LMX1A: variants seen among roughly 807,000 people sequenced by gnomAD.
The protein encoded by LMX1A is LIM homeobox transcription factor 1 alpha, also known as LIM homeobox transcription factor 1-alpha.
A neutral mutation model predicts 49.1 loss-of-function variants in LMX1A; 15 were observed. That is an observed-to-expected ratio of 0.31 (90% CI 0.20 to 0.47). The LOEUF (loss-of-function observed/expected upper bound fraction) is 0.47. Ranked by LOEUF, LMX1A falls within the 20% of genes least tolerant of loss-of-function variation. The pLI, the probability that LMX1A is intolerant of heterozygous loss-of-function variation, is 1.00. For synonymous variants in LMX1A, 167 were observed against 185.7 expected (o/e 0.90, Z 0.82); for missense variants, 372 against 475.8 (o/e 0.78, Z 2.03).
At position 165,249,315 on chromosome 1, in the gene LMX1A, G is replaced by A. The variant is rs1020871262; in HGVS notation, c.496+93C>T. On this transcript the variant is annotated intron_variant, in intron 4 of 8. Transcript: ENST00000342310. The stretch of plus-strand genomic sequence containing the variant: ...CTTGCCATGGAGCTAGGCTGCCCTG[G>A]AGGCTGGCCATCTAGGGAAGAAACA... 14 of 838,696 alleles carry A rather than the reference G, an allele frequency of 1.7e-5. 1 individual carries two copies. In the South Asian group the frequency reaches 2.1e-4, roughly 13 times the overall value. The allele number at this position is 838,696 out of a possible 1,614,324, so 52.0% of individuals were successfully genotyped here. A position where few individuals can be genotyped will look rare whatever the true frequency, so the allele number is the denominator to read the frequency against.
chr1:165,354,496 G>A (rs1656534052), intron 2 of LMX1A, among the ~76,000 whole-genome samples: 1 of 152,148 alleles, frequency 6.6e-6, no homozygotes, highest in Admixed American at 6.5e-5. Context: ...TCTGGCTTCC[G>A]CTCTCTTCCG....
At chr1:165,250,892 T>A (rs1653036117) in intron 3 of LMX1A, among the ~76,000 whole-genome samples, 1 of 151,796 alleles carries the variant, frequency 6.6e-6, no homozygotes, top group African/African-American at 2.4e-5. Flanking sequence ...GGAGGGACAG[T>A]CCCAGGGGAG....
chr1:165,335,907 G>T (rs931780539), intron 3 of LMX1A, among the ~76,000 whole-genome samples: 4 of 151,046 alleles, frequency 2.6e-5, no homozygotes, highest in Non-Finnish European at 5.9e-5. Flanking sequence ...CTTAGAAAAA[G>T]TAATGCTGAG....
At chr1:165,218,814 G>C (rs1651731493) in intron 4 of LMX1A, 1 of 152,078 alleles carries the variant, frequency 6.6e-6, no homozygotes. Flanking sequence ...CTTTGCCAGA[G>C]ACTCCCACTC....
intron 4 of LMX1A, among the ~76,000 whole-genome samples, chr1:165,240,436 T>C (rs1652608664): frequency 6.6e-6 from 1 of 152,192 alleles, no homozygotes; most frequent in Non-Finnish European, 1.5e-5. Flanking sequence ...ATCACAAAGC[T>C]GGCCCCTGTT....
intron 3 of LMX1A, among the ~76,000 whole-genome samples, chr1:165,281,730 TTGTGTGTGTGTGTGTA>T (rs1171146541): frequency 2.0e-4 from 30 of 149,526 alleles, no homozygotes; most frequent in Admixed American, 1.7e-3. Context: ...AGGCAATATT[TTGTGTGTGTGTGTGTA>T]TGTGTGTGTG....
rs1652876638 is a variant in LMX1A at position 165,247,054 on chromosome 1, C to CTTTTTTTTTCTTTTTTTTTTTTTTTTT, written c.496+2353_496+2354insAAAAAAAAAAAAAAAAAGAAAAAAAAA. ...GTTACTTAGATCAGATCAGCTTTTT[C>CTTTTTTTTTCTTTTTTTTTTTTTTTTT]TTTTTTTTTTTTTTTTTTTTTTTTT... is the stretch of plus-strand genomic sequence containing the variant. On this transcript the variant is annotated intron_variant, in intron 4 of 8. Coordinates refer to ENST00000342310, the MANE Select transcript of LMX1A (RefSeq NM_177398.4). Among the ~76,000 whole-genome samples the CTTTTTTTTTCTTTTTTTTTTTTTTTTT allele has an allele frequency of 2.6e-4, 14 of 53,228 alleles. 1 individual carries two copies. Among genetic ancestry groups the CTTTTTTTTTCTTTTTTTTTTTTTTTTT allele is most frequent in the African/African-American group, 9.3e-4 (13 of 13,916 alleles). The allele number at this position is 53,228 out of a possible 152,430, so 34.9% of individuals were successfully genotyped here.
chr1:165,334,642 G>A (rs1203092652), intron 3 of LMX1A, among the ~76,000 whole-genome samples: 5 of 102,374 alleles, frequency 4.9e-5, no homozygotes, highest in African/African-American at 8.4e-5. Context: ...ATACTGTGCC[G>A]TTTTGCTTAA....
chr1:165,292,061 C>CAA (rs771664986), intron 3 of LMX1A, among the ~76,000 whole-genome samples: 1,754 of 82,148 alleles, frequency 0.021, 88 homozygotes, highest in Non-Finnish European at 0.033. Flanking sequence ...AACTCCGTCT[C>CAA]AAAAAAAAAA....
chr1:165,321,565 A>G (rs528691584), intron 3 of LMX1A, among the ~76,000 whole-genome samples: 2 of 152,312 alleles, frequency 1.3e-5, no homozygotes, highest in Non-Finnish European at 2.9e-5. Context: ...AATAATTTCT[A>G]CGGTCAAGAA....
chr1:165,268,947 C>G (rs1410261030), intron 3 of LMX1A, among the ~76,000 whole-genome samples: 1 of 152,200 alleles, frequency 6.6e-6, no homozygotes, highest in East Asian at 1.9e-4. Context: ...ACACTGGAAC[C>G]AAAGCCAAGG....
chr1:165,249,608 T>C lies in LMX1A; in HGVS notation c.296A>G (p.Glu99Gly). 6.2e-7 allele frequency: 1 copy of C among 1,614,166 alleles called. No homozygotes were observed. The highest frequency in any genetic ancestry group is 8.5e-7 in the Non-Finnish European group (1 of 1,180,034). ...LFAVKCGGCF[E>G]AIAPNEFVMR... The stretch of plus-strand genomic sequence containing the variant: ...AACAAACTCATTGGGAGCGATGGCC[T>C]CGAAGCAGCCCCCACATTTAACAGC... The change falls in exon 4 of 9, where the codon GAG becomes GGG. Residue 99 changes from glutamate (E) to glycine (G), a missense_variant. Coordinates refer to ENST00000342310, the MANE Select transcript of LMX1A (RefSeq NM_177398.4).
chr1:165,236,636 G>T (rs1279808665), intron 4 of LMX1A, among the ~76,000 whole-genome samples: 1 of 151,850 alleles, frequency 6.6e-6, no homozygotes, highest in Non-Finnish European at 1.5e-5. Context: ...CTTCTAACTC[G>T]AGTCTCTGTG....
At chr1:165,336,667 C>T (rs1265003505) in intron 3 of LMX1A, among the ~76,000 whole-genome samples, 1 of 152,194 alleles carries the variant, frequency 6.6e-6, no homozygotes, top group Non-Finnish European at 1.5e-5. Flanking sequence ...CAGTACAGGG[C>T]ATCACCACAC....
At chr1:165,310,889 G>C (rs111637990) in intron 3 of LMX1A, among the ~76,000 whole-genome samples, 2,174 of 152,260 alleles carry the variant, frequency 0.014, 64 homozygotes, top group African/African-American at 0.05. Flanking sequence ...ATGATTCCCG[G>C]AATAATCTTG....
At chr1:165,227,453 A>G (rs987631503) in intron 4 of LMX1A, among the ~76,000 whole-genome samples, 13 of 152,304 alleles carry the variant, frequency 8.5e-5, no homozygotes, top group Admixed American at 1.3e-4. Flanking sequence ...AGGCAAGAGA[A>G]TCACCTGAAC....
At chr1:165,311,936 C>T (rs1655089151) in intron 3 of LMX1A, among the ~76,000 whole-genome samples, 1 of 152,232 alleles carries the variant, frequency 6.6e-6, no homozygotes, top group Admixed American at 6.5e-5. Context: ...CAAAACAGAA[C>T]TCCTAGTGCC....
intron 3 of LMX1A, among the ~76,000 whole-genome samples, chr1:165,294,677 A>T (rs1280671142): frequency 6.6e-6 from 1 of 152,242 alleles, no homozygotes; most frequent in African/African-American, 2.4e-5. Flanking sequence ...TAAAAATTAC[A>T]TGCGGGCTGG....
chr1:165,329,287 G>T lies in LMX1A; in HGVS notation c.263+23789C>A, dbSNP rs200950604. Among the ~76,000 whole-genome samples, 59 of 152,278 alleles carry T rather than the reference G, an allele frequency of 3.9e-4. No individual in the cohort carries two copies. In the East Asian group the frequency reaches 9.7e-3, roughly 25 times the overall value. Reference sequence around the variant, plus strand: ...CCATGATCCGGTCACCTCCCACCAGGTCTCGCCCTCGACATGTGGGGATTA... The same window carrying T: ...CCATGATCCGGTCACCTCCCACCAGTTCTCGCCCTCGACATGTGGGGATTA... On this transcript the variant is annotated intron_variant, in intron 3 of 8. Transcript: ENST00000342310.
Sources: allele counts gnomAD v4.1 joint callset (sites outside exome capture counted in the v4.1 genomes callset), GRCh38; gene constraint gnomAD v4.1.1; transcripts MANE v1.5; gene names NCBI Gene and HGNC (gene_info 2026-07-23, HGNC 2026-07-21).